FOCAD: variants seen among roughly 807,000 people sequenced by gnomAD.
FOCAD encodes KIAA1797.
A neutral mutation model predicts 225.6 loss-of-function variants in FOCAD; 198 were observed. The observed-to-expected ratio is 0.88, with a 90% CI of 0.78 to 0.99. FOCAD has a LOEUF of 0.99. FOCAD is among the 50% of genes least tolerant of loss of function. FOCAD has a pLI of 0.00. For synonymous variants in FOCAD, 897 were observed against 755.0 expected, an observed-to-expected ratio of 1.19 and a Z score of -3.08; for missense variants, 2,713 against 2,123.6, an observed-to-expected ratio of 1.28 and a Z score of -5.46.
At chr9:20,752,419 C>T (rs528302075) in intron 5 of FOCAD, among the ~76,000 whole-genome samples, 30 of 152,130 alleles carry the variant, frequency 2.0e-4, no homozygotes, top group Admixed American at 1.5e-3. Context: ...ATAGGGAATC[C>T]TTTCCCCATT....
chr9:20,820,183 C>T, intron 12 of FOCAD, 141 bp from the exon 13 acceptor site: 1 of 600,628 alleles, frequency 1.7e-6, no homozygotes, highest in Non-Finnish European at 2.9e-6. Context: ...TATTTTTCAT[C>T]CTCTAAGAAG....
At chr9:20,656,294 T>C (rs1450383058), upstream of FOCAD, among the ~76,000 whole-genome samples, 245 of 151,776 alleles carry the variant, frequency 1.6e-3, 2 homozygotes, top group Non-Finnish European at 2.2e-4. Context: ...CTATTAGGTC[T>C]GCTTGGTGCA....
At chr9:20,778,113 A>AAAAAAAAAAAT in intron 8 of FOCAD, among the ~76,000 whole-genome samples, 1 of 150,254 alleles carries the variant, frequency 6.7e-6, no homozygotes, top group Non-Finnish European at 1.5e-5. Context: ...AAAAAAAAAA[A>AAAAAAAAAAAT]GATTGACTGT....
chr9:20,944,904 C>A lies in FOCAD; in HGVS notation c.3555+130C>A, dbSNP rs1837034228. 9 of 989,980 alleles carry A rather than the reference C, an allele frequency of 9.1e-6. No individual in the cohort carries two copies. In the East Asian group the frequency reaches 2.1e-4, roughly 24 times the overall value. 61.3% of individuals were successfully genotyped at this position (989,980 alleles called of 1,614,324 possible). On this transcript the variant is annotated intron_variant, in intron 29 of 43. Coordinates refer to ENST00000338382, the MANE Select transcript of FOCAD (RefSeq NM_001375567.1). ...TTCCTCAAAGAGAAAATCTGAATGACAAACAACCAATATTAGATCATAAGG... is the reference window on the plus strand; with the variant it reads ...TTCCTCAAAGAGAAAATCTGAATGAAAAACAACCAATATTAGATCATAAGG...
At chr9:20,735,070 C>T (rs894703830) in intron 4 of FOCAD, among the ~76,000 whole-genome samples, 1 of 152,180 alleles carries the variant, frequency 6.6e-6, no homozygotes, top group Non-Finnish European at 1.5e-5. Flanking sequence ...GTGCTTACTT[C>T]CCCCACCTAC....
chr9:20,778,841 G>T, intron 9 of FOCAD, 73 bp downstream of exon 9: 1 of 801,188 alleles, frequency 1.2e-6, no homozygotes, highest in Non-Finnish European at 2.1e-6. Flanking sequence ...CTTGAACTAT[G>T]TATCCTGCTA....
chr9:20,741,103 C>G (rs556776914), intron 5 of FOCAD, among the ~76,000 whole-genome samples: 1 of 152,120 alleles, frequency 6.6e-6, no homozygotes, highest in African/African-American at 2.4e-5. Context: ...AGCATGGAAC[C>G]ATAAAGAAGG....
At chr9:20,775,381 C>G (rs562822759) in intron 8 of FOCAD, among the ~76,000 whole-genome samples, 2 of 152,272 alleles carry the variant, frequency 1.3e-5, no homozygotes, top group South Asian at 2.1e-4. Flanking sequence ...TGGGAAGGGT[C>G]GGAAACTTCC....
At chr9:20,746,413 C>G (rs1250104496) in intron 5 of FOCAD, among the ~76,000 whole-genome samples, 3 of 152,000 alleles carry the variant, frequency 2.0e-5, no homozygotes. Flanking sequence ...AAGGCCATGG[C>G]AAAGACCGGG....
chr9:20,930,404 T>G (rs1004193237), intron 27 of FOCAD, among the ~76,000 whole-genome samples: 11 of 152,228 alleles, frequency 7.2e-5, no homozygotes, highest in Admixed American at 3.9e-4. Flanking sequence ...TTGATGTCAA[T>G]GACTAGGCAT....
chr9:20,759,992 A>G (rs1468674575), intron 6 of FOCAD, among the ~76,000 whole-genome samples: 3 of 152,136 alleles, frequency 2.0e-5, no homozygotes, highest in Middle Eastern at 3.2e-3. Flanking sequence ...ATGGCTCTCA[A>G]AGCTACTCCC....
chr9:20,969,241 G>C (rs190400456), intron 35 of FOCAD, among the ~76,000 whole-genome samples: 4 of 152,126 alleles, frequency 2.6e-5, no homozygotes, highest in Admixed American at 2.0e-4. Flanking sequence ...TGTGTATTCT[G>C]ATGGTGTTGA....
chr9:20,953,514 T>C (rs1837872377), intron 35 of FOCAD, among the ~76,000 whole-genome samples: 1 of 152,184 alleles, frequency 6.6e-6, no homozygotes, highest in South Asian at 2.1e-4. Context: ...CTATTTTTAG[T>C]TTGTGTTCTT....
intron 35 of FOCAD, among the ~76,000 whole-genome samples, chr9:20,961,221 CTG>C (rs1311174566): frequency 6.6e-6 from 1 of 151,776 alleles, no homozygotes; most frequent in Non-Finnish European, 1.5e-5. Context: ...CTCTCTCTCT[CTG>C]TGTTAGTGTA....
intron 21 of FOCAD, 149 bp downstream of exon 21, chr9:20,885,379 C>T: frequency 1.5e-6 from 1 of 654,984 alleles, no homozygotes; most frequent in Non-Finnish European, 2.2e-6. Flanking sequence ...CAACTGAATA[C>T]TCAAATATTT....
intron 4 of FOCAD, 96 bp downstream of exon 4, chr9:20,720,630 C>A: frequency 1.6e-6 from 2 of 1,254,546 alleles, no homozygotes; most frequent in Non-Finnish European, 1.1e-6. Flanking sequence ...ATCCTACTTG[C>A]CAGTTGTTTT....
intron 15 of FOCAD, among the ~76,000 whole-genome samples, chr9:20,853,170 G>A (rs1827839981): frequency 6.6e-6 from 1 of 151,764 alleles, no homozygotes; most frequent in Admixed American, 6.6e-5. Flanking sequence ...TGTCCCTATA[G>A]GGAGTTCTTT....
chr9:20,773,986 C>T (rs1030462705), intron 8 of FOCAD, among the ~76,000 whole-genome samples: 1 of 152,184 alleles, frequency 6.6e-6, no homozygotes, highest in Non-Finnish European at 1.5e-5. Flanking sequence ...GCCTAAACTC[C>T]ATCTCCTGTC....
intron 29 of FOCAD, among the ~76,000 whole-genome samples, chr9:20,945,101 A>C (rs1257814954): frequency 6.6e-6 from 1 of 152,230 alleles, no homozygotes; most frequent in Non-Finnish European, 1.5e-5. Flanking sequence ...TGCTCAAGCC[A>C]AATATAACTT....
Sources: allele counts gnomAD v4.1 joint callset (sites outside exome capture counted in the v4.1 genomes callset), GRCh38; gene constraint gnomAD v4.1.1; transcripts MANE v1.5; gene names NCBI Gene and HGNC (gene_info 2026-07-23, HGNC 2026-07-21).